Variants in ACOXL observed in about 807,000 individuals in gnomAD.
ACOXL encodes the protein acyl-coenzyme A oxidase-like protein.
Under a neutral mutation model 71.9 loss-of-function variants are expected in ACOXL, and 70 were observed. That is an observed-to-expected ratio of 0.97 (90% CI 0.80 to 1.19). The LOEUF (loss-of-function observed/expected upper bound fraction) is 1.19, where lower values mean the gene tolerates loss of function less well. Ranked by LOEUF, ACOXL falls within the 50% of genes most tolerant of loss-of-function variation. The pLI is 0.00. For synonymous variants in ACOXL, 253 were observed against 281.6 expected (o/e 0.90, Z 1.02); for missense variants, 703 against 736.3 (o/e 0.95, Z 0.52).
rs568228099 is a variant in ACOXL at position 110,897,409 on chromosome 2, A to G, written c.789-11380A>G. Among the ~76,000 whole-genome samples, 10 of 152,334 alleles carry G rather than the reference A, an allele frequency of 6.6e-5. No individual in the cohort carries two copies. In the South Asian group the frequency reaches 2.1e-3, roughly 32 times the overall value. On this transcript the variant is annotated intron_variant, in intron 10 of 17. Coordinates refer to ENST00000439055, the MANE Select transcript of ACOXL (RefSeq NM_001142807.4). ...AGTTCTGGAGACTGGGAAGTCCAGGATCAAGGCCCTGGCATCTTTTAAGGG... is the reference window on the plus strand; with the variant it reads ...AGTTCTGGAGACTGGGAAGTCCAGGGTCAAGGCCCTGGCATCTTTTAAGGG...
In ACOXL at chr2:110,957,395, T is replaced by A. The variant is rs2061538875; in HGVS notation, c.1059+23753T>A. Among the ~76,000 whole-genome samples, 3 of 152,328 alleles carry A rather than the reference T, an allele frequency of 2.0e-5. No homozygotes were observed. In the South Asian group the frequency reaches 6.2e-4, roughly 32 times the overall value. The stretch of plus-strand genomic sequence containing the variant: ...ATCTCTGGTCAGGAACAGACATGGT[T>A]TGAGCTAACACTTCCCACACGCTGT... On this transcript the variant is annotated intron_variant, in intron 12 of 17. Coordinates refer to ENST00000439055, the MANE Select transcript of ACOXL (RefSeq NM_001142807.4).
intron 12 of ACOXL, 80 bp from the exon 13 acceptor site, chr2:110,987,028 G>C: frequency 8.7e-7 from 1 of 1,148,156 alleles, no homozygotes; most frequent in Non-Finnish European, 1.3e-6. Flanking sequence ...GTGACAAATA[G>C]ATCTTATTGG....
At chr2:110,965,009 A>G (rs886328430) in intron 12 of ACOXL, among the ~76,000 whole-genome samples, 14 of 152,092 alleles carry the variant, frequency 9.2e-5, no homozygotes, top group African/African-American at 3.1e-4. Context: ...TCTGGTATCT[A>G]TCATTCTACG....
At chr2:111,043,086 T>C (rs1475829813) in intron 15 of ACOXL, among the ~76,000 whole-genome samples, 1 of 152,196 alleles carries the variant, frequency 6.6e-6, no homozygotes, top group Non-Finnish European at 1.5e-5. Context: ...TGCTGGCTCC[T>C]GTGGGCTTTC....
At chr2:110,828,881 G>A (rs1689484150) in intron 9 of ACOXL, among the ~76,000 whole-genome samples, 1 of 151,678 alleles carries the variant, frequency 6.6e-6, no homozygotes, top group African/African-American at 2.4e-5. Flanking sequence ...GCGCAATCTT[G>A]GCTCACCACA....
At chr2:110,929,127 G>A (rs1295325321) in intron 11 of ACOXL, among the ~76,000 whole-genome samples, 3 of 152,180 alleles carry the variant, frequency 2.0e-5, no homozygotes, top group Admixed American at 2.0e-4. Flanking sequence ...GGAACAGTTT[G>A]GAGGGCTCAG....
chr2:110,930,528 G>A (rs2060441867), intron 11 of ACOXL, among the ~76,000 whole-genome samples: 1 of 152,204 alleles, frequency 6.6e-6, no homozygotes, highest in Non-Finnish European at 1.5e-5. Context: ...AGACTTTGGG[G>A]GACTGTTGGG....
rs550778208 is a variant in ACOXL at position 110,944,482 on chromosome 2, G to GT, written c.1059+10847dup. On this transcript the variant is annotated intron_variant, in intron 12 of 17. Transcript: ENST00000439055. ...CTAATAGCATAGTCCTCAATAGGTAGTTTTTTTATCCTCACCTCCTCCCAT... is the reference window on the plus strand; with the variant it reads ...CTAATAGCATAGTCCTCAATAGGTAGTTTTTTTTATCCTCACCTCCTCCCAT... 1.6e-4 allele frequency among the ~76,000 whole-genome samples: 25 copies of GT among 152,240 alleles called. No homozygotes were observed. In the South Asian group the frequency reaches 4.6e-3, roughly 28 times the overall value.
chr2:110,882,857 T>C (rs1696827841), intron 10 of ACOXL, among the ~76,000 whole-genome samples: 1 of 152,204 alleles, frequency 6.6e-6, no homozygotes, highest in Non-Finnish European at 1.5e-5. Context: ...TTTCTCAGAA[T>C]ATCATTCAGC....
chr2:110,961,028 C>T (rs915765386), intron 12 of ACOXL, among the ~76,000 whole-genome samples: 4 of 152,192 alleles, frequency 2.6e-5, no homozygotes, highest in Admixed American at 6.5e-5. Flanking sequence ...TGAGGCCAGG[C>T]CTTTCTGGCT....
At chr2:111,104,773 C>T (rs2069418124) in intron 17 of ACOXL, among the ~76,000 whole-genome samples, 2 of 151,972 alleles carry the variant, frequency 1.3e-5, no homozygotes, top group South Asian at 4.1e-4. Context: ...TTATAGCTTG[C>T]CTTCTTACTC....
rs149493831 is a variant in ACOXL, at chr2:111,087,519, A to G, written c.1441-5346A>G. On this transcript the variant is annotated intron_variant, in intron 16 of 17. Coordinates refer to ENST00000439055, the MANE Select transcript of ACOXL (RefSeq NM_001142807.4). ...CTGCACACCTACAATGCAGCACACC[A>G]TCTGATCTTTGACAAAGCTAACAAA... Among the ~76,000 whole-genome samples the G allele has an allele frequency of 1.1e-3, 164 of 152,284 alleles. 6 individuals are homozygous for G. The East Asian group carries it at 0.028, about 26-fold the overall frequency.
chr2:110,772,775 G>C (rs1682128365), intron 2 of ACOXL, among the ~76,000 whole-genome samples: 1 of 152,126 alleles, frequency 6.6e-6, no homozygotes, highest in Admixed American at 6.5e-5. Context: ...TACCCTTTCA[G>C]GTGCTATGTG....
At chr2:110,817,952 C>CT (rs1193171202) in intron 9 of ACOXL, among the ~76,000 whole-genome samples, 6,186 of 115,684 alleles carry the variant, frequency 0.053, 227 homozygotes, top group African/African-American at 0.092. Context: ...ATGCTCCTGA[C>CT]TTTTTTTTTT....
At chr2:110,931,483 T>C (rs1328224178) in intron 11 of ACOXL, among the ~76,000 whole-genome samples, 2 of 152,142 alleles carry the variant, frequency 1.3e-5, no homozygotes, top group Non-Finnish European at 2.9e-5. Context: ...GATGATAATA[T>C]AGCATAGATG....
At chr2:111,035,914 C>A (rs2065488088) in intron 15 of ACOXL, among the ~76,000 whole-genome samples, 1 of 152,244 alleles carries the variant, frequency 6.6e-6, no homozygotes, top group Non-Finnish European at 1.5e-5. Context: ...TTAGCTTTAG[C>A]TTTGACATTC....
At chr2:111,098,836 T>C (rs1397424263) in intron 17 of ACOXL, 3 of 152,158 alleles carry the variant, frequency 2.0e-5, no homozygotes, top group Non-Finnish European at 2.9e-5. Flanking sequence ...AATAAAACTT[T>C]CCAGAACACC....
chr2:110,870,951 A>T (rs1447726796), intron 10 of ACOXL, among the ~76,000 whole-genome samples: 1 of 151,920 alleles, frequency 6.6e-6, no homozygotes, highest in Non-Finnish European at 1.5e-5. Context: ...CTCAGGAGGG[A>T]CCCCTGACTC....
chr2:110,987,233 G>A lies in ACOXL; in HGVS notation c.1169+16G>A. On this transcript the variant is annotated intron_variant, in intron 13 of 17. Transcript: ENST00000439055. ...TGAGAACCAGGTACGTATTACTCAG[G>A]CCATCATCATCTGCCTTCAGTGGGT... 1 of 1,557,384 alleles carries A rather than the reference G, an allele frequency of 6.4e-7. No individual in the cohort carries two copies. Among genetic ancestry groups the A allele is most frequent in the Non-Finnish European group, 8.7e-7 (1 of 1,148,298 alleles).
Sources: allele counts gnomAD v4.1 joint callset (sites outside exome capture counted in the v4.1 genomes callset), GRCh38; gene constraint gnomAD v4.1.1; transcripts MANE v1.5; gene names NCBI Gene and HGNC (gene_info 2026-07-23, HGNC 2026-07-21).